LIMS1: variants seen among roughly 807,000 people sequenced by gnomAD.
LIMS1 encodes LIM zinc finger domain containing 1, also known as LIM and senescent cell antigen-like-containing domain protein 1.
In LIMS1, 18 loss-of-function variants were observed where a neutral mutation model predicts 44.1. The ratio of observed to expected loss-of-function variants is 0.41; its 90% CI spans 0.28 to 0.61. The LOEUF is 0.61. Ranked by LOEUF, LIMS1 falls within the 20% of genes least tolerant of loss-of-function variation. The probability of loss-of-function intolerance (pLI) is 0.32; values close to 1 mark genes in which losing one functional copy is unlikely to be tolerated. For missense variants in LIMS1, 201 were observed against 422.0 expected (o/e 0.48, Z 4.59); for synonymous variants, 93 against 149.1 (o/e 0.62, Z 2.74).
At chr2:108,638,853 C>G (rs1014316710) in intron 1 of LIMS1, among the ~76,000 whole-genome samples, 4 of 152,070 alleles carry the variant, frequency 2.6e-5, no homozygotes, top group African/African-American at 9.7e-5. Context: ...ACCATCCTGG[C>G]TAAGATGGTG....
chr2:108,614,723 G>A (rs1038394622), intron 1 of LIMS1, among the ~76,000 whole-genome samples: 23 of 152,214 alleles, frequency 1.5e-4, no homozygotes, highest in African/African-American at 4.3e-4. Flanking sequence ...CTTGTTATGT[G>A]TGTTGTTGCC....
chr2:108,567,393 C>T (rs1685329633), intron 1 of LIMS1, among the ~76,000 whole-genome samples: 1 of 152,076 alleles, frequency 6.6e-6, no homozygotes, highest in African/African-American at 2.4e-5. Context: ...CAGCCACCTG[C>T]AACCCTGAAC....
intron 1 of LIMS1, among the ~76,000 whole-genome samples, chr2:108,535,905 C>T (rs1684118885): frequency 6.6e-6 from 1 of 152,116 alleles, no homozygotes; most frequent in Non-Finnish European, 1.5e-5. Flanking sequence ...TTCAGCTCAT[C>T]GCTCTATTAC....
chr2:108,595,695 C>T (rs1181098510), intron 1 of LIMS1, among the ~76,000 whole-genome samples: 1 of 152,042 alleles, frequency 6.6e-6, no homozygotes, highest in Non-Finnish European at 1.5e-5. Flanking sequence ...CTGTTCTTGG[C>T]TCTCAACTGT....
chr2:108,564,724 A>G (rs1378347263), intron 1 of LIMS1, among the ~76,000 whole-genome samples: 1 of 152,266 alleles, frequency 6.6e-6, no homozygotes, highest in Admixed American at 6.5e-5. Flanking sequence ...AAGTTCCACA[A>G]GAATGTTTGA....
chr2:108,588,222 T>G (rs910886309), intron 1 of LIMS1: 4 of 419,920 alleles, frequency 9.5e-6, no homozygotes, highest in Non-Finnish European at 1.3e-5. Flanking sequence ...TTCAGAACAG[T>G]GGGGTTATCG....
chr2:108,541,845 G>A (rs1490959692), intron 1 of LIMS1, among the ~76,000 whole-genome samples: 2 of 152,214 alleles, frequency 1.3e-5, no homozygotes, highest in African/African-American at 4.8e-5. Flanking sequence ...CCCCCGCTGT[G>A]TAGTAGGGAA....
intron 9 of LIMS1, among the ~76,000 whole-genome samples, chr2:108,681,868 G>A (rs982186715): frequency 1.1e-4 from 16 of 151,264 alleles, no homozygotes; most frequent in Admixed American, 4.6e-4. Context: ...TCCAGCTTGG[G>A]CGACAGAGTG....
intron 1 of LIMS1, among the ~76,000 whole-genome samples, chr2:108,593,115 G>A (rs569628425): frequency 1.1e-4 from 16 of 152,208 alleles, no homozygotes; most frequent in African/African-American, 3.4e-4. Context: ...ATCATTCTCT[G>A]CTTTTGTTTT....
rs531016531 is a variant in LIMS1, at chr2:108,606,035, C to T, written c.33-53570C>T. Among the ~76,000 whole-genome samples, 4 of 152,354 alleles carry T rather than the reference C, an allele frequency of 2.6e-5. No homozygotes were observed. The East Asian group carries it at 7.7e-4, about 29-fold the overall frequency. ...CCAAGTACCAGGTTCCTGCTGCCAG[C>T]TCTGCCCCCAGTTTGGGGGAGGTGA... On this transcript the variant is annotated intron_variant, in intron 1 of 9. Coordinates refer to ENST00000544547, the Ensembl canonical transcript of LIMS1.
intron 5 of LIMS1, among the ~76,000 whole-genome samples, chr2:108,675,675 A>C (rs1692493814): frequency 6.6e-6 from 1 of 152,186 alleles, no homozygotes; most frequent in South Asian, 2.1e-4. Flanking sequence ...TTATCCTTTT[A>C]AGATACAGAT....
intron 2 of LIMS1, chr2:108,662,510 G>C (rs1691450056): frequency 1.5e-6 from 2 of 1,330,630 alleles, no homozygotes; most frequent in Middle Eastern, 2.8e-4. Context: ...CCCAGTTCAA[G>C]ATCTGTTGGG....
chr2:108,639,075 T>A (rs116196637), intron 1 of LIMS1, among the ~76,000 whole-genome samples: 2,580 of 152,100 alleles, frequency 0.017, 37 homozygotes, highest in Non-Finnish European at 0.025. Flanking sequence ...AAGGGCCTCC[T>A]GGTGTTCTTA....
intron 1 of LIMS1, chr2:108,621,316 A>G (rs1302170064): frequency 1.9e-6 from 3 of 1,549,420 alleles, no homozygotes; most frequent in Non-Finnish European, 2.6e-6. Flanking sequence ...CTGAGCATAA[A>G]TGCTTTAAAG....
chr2:108,601,316 C>G (rs1687002707), intron 1 of LIMS1, among the ~76,000 whole-genome samples: 1 of 152,174 alleles, frequency 6.6e-6, no homozygotes, highest in African/African-American at 2.4e-5. Context: ...AAGCAACAGC[C>G]TGGGCTCCAG....
At chr2:108,537,656 A>T (rs1684185749) in intron 1 of LIMS1, among the ~76,000 whole-genome samples, 1 of 152,238 alleles carries the variant, frequency 6.6e-6, no homozygotes, top group Non-Finnish European at 1.5e-5. Context: ...AGATCATTTC[A>T]GTTCTGGTGG....
chr2:108,647,563 C>T (rs1280294222), intron 1 of LIMS1, among the ~76,000 whole-genome samples: 1 of 152,296 alleles, frequency 6.6e-6, no homozygotes, highest in Admixed American at 6.5e-5. Flanking sequence ...CGAAAATCCT[C>T]AATAAAATAC....
At chr2:108,638,230 A>G (rs1689411212) in intron 1 of LIMS1, among the ~76,000 whole-genome samples, 1 of 152,238 alleles carries the variant, frequency 6.6e-6, no homozygotes, top group South Asian at 2.1e-4. Flanking sequence ...TATAGATTTC[A>G]AACTATAGTG....
intron 1 of LIMS1, among the ~76,000 whole-genome samples, chr2:108,570,702 G>A (rs1265993121): frequency 1.3e-5 from 2 of 152,168 alleles, no homozygotes; most frequent in Non-Finnish European, 2.9e-5. Flanking sequence ...CCTGGGAGGC[G>A]GTGGAGAAGA....
Sources: gnomAD v4.1 joint callset for allele counts (sites outside exome capture counted in the v4.1 genomes callset) on GRCh38, gnomAD v4.1.1 for gene constraint, MANE v1.5 for transcripts, NCBI Gene and HGNC (gene_info 2026-07-23, HGNC 2026-07-21) for gene names.